Variants in DCHS2 observed in about 807,000 individuals in gnomAD.
DCHS2 encodes the protein dachsous cadherin-related 2, also known as protocadherin-23.
A neutral mutation model predicts 182.4 loss-of-function variants in DCHS2; 142 were observed. That is an observed-to-expected ratio of 0.78 (90% confidence interval 0.68 to 0.89). The LOEUF (loss-of-function observed/expected upper bound fraction) is 0.89, where lower values mean the gene tolerates loss of function less well. DCHS2 is among the 40% of genes least tolerant of loss of function. The pLI is 0.00. For synonymous variants in DCHS2, 1,740 were observed against 1,663.3 expected, an observed-to-expected ratio of 1.05 and a Z score of -1.12; for missense variants, 4,319 against 4,198.6, an observed-to-expected ratio of 1.03 and a Z score of -0.79.
chr4:154,260,576 A>C (rs1487957011), intron 14 of DCHS2, among the ~76,000 whole-genome samples: 2 of 152,198 alleles, frequency 1.3e-5, no homozygotes, highest in African/African-American at 4.8e-5. Flanking sequence ...CTTATTAAAG[A>C]GTCATCACGC....
intron 12 of DCHS2, 75 bp downstream of exon 12, chr4:154,304,594 A>C: frequency 7.0e-7 from 1 of 1,437,312 alleles, no homozygotes; most frequent in Non-Finnish European, 9.4e-7. Context: ...GCGCCACTGC[A>C]CTCCAGCCTG....
chr4:154,418,719 A>T (rs1732973602), intron 1 of DCHS2, among the ~76,000 whole-genome samples: 1 of 152,226 alleles, frequency 6.6e-6, no homozygotes, highest in African/African-American at 2.4e-5. Context: ...TATAATATAA[A>T]GGGAAAATAA....
intron 19 of DCHS2, among the ~76,000 whole-genome samples, chr4:154,237,883 ATAT>A (rs898171476): frequency 6.6e-6 from 1 of 152,216 alleles, no homozygotes; most frequent in African/African-American, 2.4e-5. Context: ...TGTTTTAAAA[ATAT>A]TTGAATCAAT....
At chr4:154,476,432 T>C (rs1735683479) in intron 1 of DCHS2, among the ~76,000 whole-genome samples, 1 of 152,240 alleles carries the variant, frequency 6.6e-6, no homozygotes, top group African/African-American at 2.4e-5. Context: ...AGGGTATTAA[T>C]TGTCTTACTG....
At chr4:154,241,161 T>C (rs1273485988) in intron 17 of DCHS2, among the ~76,000 whole-genome samples, 3 of 152,154 alleles carry the variant, frequency 2.0e-5, no homozygotes, top group Non-Finnish European at 4.4e-5. Context: ...TGTATCAAAA[T>C]CATATCTTCA....
chr4:154,295,545 T>C (rs1010700146), intron 13 of DCHS2, among the ~76,000 whole-genome samples: 38 of 152,310 alleles, frequency 2.5e-4, no homozygotes, highest in African/African-American at 9.1e-4. Flanking sequence ...AAAAAAGACA[T>C]ACCGTAGGCC....
Position 154,333,324 on chromosome 4 carries a change from TGCTGCAGGCTGGGGC to T in DCHS2, c.2869_2883del (p.Ala957_Ser961del). The T allele has an allele frequency of 6.2e-7, 1 of 1,614,202 alleles. No homozygotes were observed. Among genetic ancestry groups the T allele is most frequent in the Non-Finnish European group, 8.5e-7 (1 of 1,180,034 alleles). On this transcript the variant is annotated inframe_deletion, in exon 5 of 20. Coordinates refer to ENST00000357232, the MANE Select transcript of DCHS2 (RefSeq NM_001358235.2). Reference sequence around the variant, plus strand: ...ATGACTGTTATGTTGACCTCGGTGCTGCTGCAGGCTGGGGCGCTGCCGAGCTGCGCCTGCACCGTG... The same window carrying T: ...ATGACTGTTATGTTGACCTCGGTGCTGCTGCCGAGCTGCGCCTGCACCGTG...
intron 1 of DCHS2, chr4:154,384,345 A>T: frequency 2.5e-6 from 4 of 1,606,354 alleles, no homozygotes; most frequent in Non-Finnish European, 3.4e-6. Flanking sequence ...CCTCCTCCTC[A>T]TGCACCACCT....
chr4:154,268,721 C>T lies in DCHS2; in HGVS notation c.6577+1179G>A, dbSNP rs538431878. Among the ~76,000 whole-genome samples the T allele has an allele frequency of 1.8e-4, 27 of 152,080 alleles. 1 individual carries two copies. Among genetic ancestry groups the T allele is most frequent in the Admixed American group, 1.3e-3 (20 of 15,262 alleles). ...AAACAGTCTTACATGTTTCAACATA[C>T]CATCTGGCAGATATTTCACAATAAA... On this transcript the variant is annotated intron_variant, in intron 14 of 19. Transcript: ENST00000357232.
At chr4:154,275,034 C>T (rs1733774762) in intron 13 of DCHS2, among the ~76,000 whole-genome samples, 1 of 142,924 alleles carries the variant, frequency 7.0e-6, no homozygotes, top group Admixed American at 6.9e-5. Context: ...CTAAACCAAG[C>T]CAAATTGTTA....
Position 154,463,724 on chromosome 4 carries a change from CTCTG to C in DCHS2, c.2052+25576_2052+25579del, listed in dbSNP as rs150505134. Among the ~76,000 whole-genome samples, 67 of 144,976 alleles carry C rather than the reference CTCTG, an allele frequency of 4.6e-4. No homozygotes were observed. The Admixed American group carries it at 4.7e-3, about 10-fold the overall frequency. On this transcript the variant is annotated intron_variant, in intron 1 of 19. Transcript: ENST00000357232. Reference sequence around the variant, plus strand: ...TCTCTCTCTCTCTCTCTCTCTCTCTCTCTGTCTCTCTCTCCCTCCTTCTGTCTCT... The same window carrying C: ...TCTCTCTCTCTCTCTCTCTCTCTCTCTCTCTCTCTCCCTCCTTCTGTCTCT...
chr4:154,483,532 A>G (rs1045107946), intron 1 of DCHS2, among the ~76,000 whole-genome samples: 3 of 152,206 alleles, frequency 2.0e-5, no homozygotes, highest in African/African-American at 7.2e-5. Context: ...GGGGACAACA[A>G]TGACTAAAAC....
chr4:154,333,706 C>A, intron 4 of DCHS2: 3 of 589,270 alleles, frequency 5.1e-6, no homozygotes, highest in East Asian at 2.9e-5. Flanking sequence ...CATTGGGGTA[C>A]AACTGCCTAC....
In DCHS2 at chr4:154,441,146, C is replaced by A. The variant is rs368468538; in HGVS notation, c.2052+48158G>T. ...AAGGATGCAAAGTCTTTGCTGGAAT[C>A]ATGTACTAAAATAGAACGGAAAGCC... is the stretch of plus-strand genomic sequence containing the variant. On this transcript the variant is annotated intron_variant, in intron 1 of 19. Transcript: ENST00000357232. 7.9e-5 allele frequency among the ~76,000 whole-genome samples: 12 copies of A among 152,258 alleles called. No individual in the cohort carries two copies. The East Asian group carries it at 2.3e-3, about 29-fold the overall frequency.
chr4:154,439,840 C>T (rs1032342036), intron 1 of DCHS2, among the ~76,000 whole-genome samples: 1 of 152,134 alleles, frequency 6.6e-6, no homozygotes, highest in Admixed American at 6.5e-5. Context: ...ATATCTGCAA[C>T]AACCATAATG....
chr4:154,406,510 C>T (rs1732407028), intron 1 of DCHS2, among the ~76,000 whole-genome samples: 1 of 152,202 alleles, frequency 6.6e-6, no homozygotes, highest in African/African-American at 2.4e-5. Context: ...GGTGGGAGGA[C>T]AAGTCCAGTA....
At chr4:154,333,525 T>G in intron 4 of DCHS2, 31 bp from the exon 5 acceptor site, 1 of 1,576,006 alleles carries the variant, frequency 6.3e-7, no homozygotes. Flanking sequence ...AACCACTGTA[T>G]GTCAAAAGGG....
intron 13 of DCHS2, among the ~76,000 whole-genome samples, chr4:154,285,121 C>A (rs993510684): frequency 4.6e-5 from 7 of 152,030 alleles, no homozygotes; most frequent in Admixed American, 3.9e-4. Flanking sequence ...TCTAGACACA[C>A]CCTGGGCCAG....
intron 1 of DCHS2, among the ~76,000 whole-genome samples, chr4:154,440,598 C>T (rs1047182667): frequency 2.0e-5 from 3 of 151,660 alleles, no homozygotes; most frequent in African/African-American, 7.3e-5. Flanking sequence ...TTTTTATTTC[C>T]CCAAACCAAG....
Sources: allele counts gnomAD v4.1 joint callset (sites outside exome capture counted in the v4.1 genomes callset), GRCh38; gene constraint gnomAD v4.1.1; transcripts MANE v1.5; gene names NCBI Gene and HGNC (gene_info 2026-07-23, HGNC 2026-07-21).